Variants in THSD4 observed in about 807,000 individuals in gnomAD.
THSD4 encodes the protein thrombospondin type-1 domain-containing protein 4.
Under a neutral mutation model 119.0 loss-of-function variants are expected in THSD4, and 69 were observed. The ratio of observed to expected loss-of-function variants is 0.58; its 90% CI spans 0.48 to 0.71. The LOEUF is 0.71. Among genes scored for constraint, THSD4 ranks in the 30% least tolerant of loss-of-function variants. The pLI, the probability that THSD4 is intolerant of heterozygous loss-of-function variation, is 0.00. For synonymous variants in THSD4, 524 were observed against 540.4 expected (o/e 0.97, Z 0.42); for missense variants, 1,393 against 1,391.1 (o/e 1.00, Z -0.02).
At chr15:71,232,836 T>G (rs2044072160) in intron 4 of THSD4, among the ~76,000 whole-genome samples, 1 of 152,112 alleles carries the variant, frequency 6.6e-6, no homozygotes, top group Non-Finnish European at 1.5e-5. Flanking sequence ...GTCTTTCAAA[T>G]AGAGAGTAAT....
At chr15:71,173,565 C>CATATATATAT (rs1161825798) in intron 3 of THSD4, among the ~76,000 whole-genome samples, 1 of 92,572 alleles carries the variant, frequency 1.1e-5, no homozygotes, top group African/African-American at 3.1e-5. Flanking sequence ...CACACACACA[C>CATATATATAT]ACATATATAT....
chr15:71,489,021 C>T (rs2047869402), intron 7 of THSD4, among the ~76,000 whole-genome samples: 2 of 152,268 alleles, frequency 1.3e-5, no homozygotes, highest in African/African-American at 4.8e-5. Flanking sequence ...AGGGTCCCGC[C>T]AGTCCCTTTG....
chr15:71,521,551 C>G (rs1278272734), intron 7 of THSD4, among the ~76,000 whole-genome samples: 1 of 152,164 alleles, frequency 6.6e-6, no homozygotes, highest in Non-Finnish European at 1.5e-5. Context: ...GTTTCTCCAA[C>G]TTGAAAATAC....
chr15:71,760,451 A>AG (rs1255131265), intron 15 of THSD4, among the ~76,000 whole-genome samples: 1 of 152,178 alleles, frequency 6.6e-6, no homozygotes, highest in Admixed American at 6.5e-5. Flanking sequence ...GAAACTAACT[A>AG]GGAGTATATC....
intron 1 of THSD4, among the ~76,000 whole-genome samples, chr15:71,099,026 C>T (rs1030501945): frequency 5.9e-5 from 9 of 152,150 alleles, no homozygotes. Context: ...ATGAGAACTA[C>T]CTTTTCATTT....
chr15:71,196,223 C>A (rs192940954), intron 3 of THSD4, among the ~76,000 whole-genome samples: 4 of 152,198 alleles, frequency 2.6e-5, no homozygotes, highest in Admixed American at 2.6e-4. Context: ...GACCTAATTA[C>A]CTCCTAGAGG....
intron 3 of THSD4, chr15:71,186,856 C>A (rs2043610673): frequency 6.6e-6 from 1 of 152,172 alleles, no homozygotes. Flanking sequence ...GAATAGTCCC[C>A]TTTCTCAAGT....
intron 7 of THSD4, among the ~76,000 whole-genome samples, chr15:71,595,098 A>T (rs920730252): frequency 2.6e-5 from 4 of 152,266 alleles, no homozygotes; most frequent in African/African-American, 9.6e-5. Context: ...GTTTCTTACT[A>T]AACTAAATGT....
At chr15:71,191,779 G>A (rs2043673830) in intron 3 of THSD4, among the ~76,000 whole-genome samples, 2 of 152,032 alleles carry the variant, frequency 1.3e-5, no homozygotes, top group South Asian at 4.2e-4. Context: ...ACATGAACCG[G>A]TTTACTCCCA....
At chr15:71,672,821 G>C (rs891929264) in intron 8 of THSD4, among the ~76,000 whole-genome samples, 4 of 152,158 alleles carry the variant, frequency 2.6e-5, no homozygotes, top group Admixed American at 1.3e-4. Flanking sequence ...ACCAGCCTTG[G>C]ATCCCAGGGA....
rs377747744 is a variant in THSD4 at position 71,550,187 on chromosome 15, A to C, written c.1153-110343A>C. Among the ~76,000 whole-genome samples the C allele has an allele frequency of 2.0e-5, 3 of 152,218 alleles. No individual in the cohort carries two copies. In the East Asian group the frequency reaches 5.8e-4, roughly 29 times the overall value. ...CTTTTAAAGTCAAGCTGGACTTTTG[A>C]GGCATTTGTCAGCGTGGGGAGCGTG... is the stretch of plus-strand genomic sequence containing the variant. On this transcript the variant is annotated intron_variant, in intron 7 of 17. Coordinates refer to ENST00000261862, the MANE Select transcript of THSD4 (RefSeq NM_024817.3).
chr15:71,731,115 C>A lies in THSD4; in HGVS notation c.1534-6C>A. ...AGTGCGGTAACACTGATTTTTGTGT[C>A]AGCAGATGATACACCAGCAGCCAAA... On this transcript the variant is annotated splice_polypyrimidine_tract_variant and splice_region_variant and intron_variant, in intron 9 of 17. Coordinates refer to ENST00000261862, the MANE Select transcript of THSD4 (RefSeq NM_024817.3). 1 of 1,614,072 alleles carries A rather than the reference C, an allele frequency of 6.2e-7. No homozygotes were observed. Among genetic ancestry groups the A allele is most frequent in the South Asian group, 1.1e-5 (1 of 91,068 alleles).
intron 7 of THSD4, among the ~76,000 whole-genome samples, chr15:71,569,536 A>G (rs2049310160): frequency 6.6e-6 from 1 of 152,240 alleles, no homozygotes; most frequent in Non-Finnish European, 1.5e-5. Context: ...AGGGAGGAAA[A>G]TGGAGCAAAG....
At chr15:71,219,658 C>T (rs909663402) in intron 4 of THSD4, among the ~76,000 whole-genome samples, 1 of 152,190 alleles carries the variant, frequency 6.6e-6, no homozygotes, top group Non-Finnish European at 1.5e-5. Flanking sequence ...GACAATGGCT[C>T]CCATGTTGAA....
intron 2 of THSD4, among the ~76,000 whole-genome samples, chr15:71,143,400 G>A (rs1372017777): frequency 6.6e-6 from 1 of 152,142 alleles, no homozygotes; most frequent in Non-Finnish European, 1.5e-5. Flanking sequence ...TTGGCCCACA[G>A]GGTCATTGTA....
chr15:71,293,380 CCTGAGCT>C (rs2044819862), intron 6 of THSD4, among the ~76,000 whole-genome samples: 1 of 152,114 alleles, frequency 6.6e-6, no homozygotes, highest in African/African-American at 2.4e-5. Context: ...TGCCCCTTGC[CCTGAGCT>C]CTGTTCTCCA....
chr15:71,348,766 A>T (rs530602813), intron 6 of THSD4, among the ~76,000 whole-genome samples: 1 of 152,370 alleles, frequency 6.6e-6, no homozygotes, highest in East Asian at 1.9e-4. Flanking sequence ...AGGATGAGCT[A>T]TTTAAAAGGA....
intron 14 of THSD4, 113 bp from the exon 15 acceptor site, chr15:71,757,789 G>A (rs2053567337): frequency 2.9e-6 from 4 of 1,365,310 alleles, no homozygotes; most frequent in Non-Finnish European, 4.1e-6. Flanking sequence ...GATATTTCTA[G>A]GGGAAACAGA....
At chr15:71,307,805 A>C (rs1394542867) in intron 6 of THSD4, among the ~76,000 whole-genome samples, 1 of 152,180 alleles carries the variant, frequency 6.6e-6, no homozygotes, top group Non-Finnish European at 1.5e-5. Flanking sequence ...ACTCACACTT[A>C]TGGTTTATTA....
Sources: allele counts gnomAD v4.1 joint callset (sites outside exome capture counted in the v4.1 genomes callset), GRCh38; gene constraint gnomAD v4.1.1; transcripts MANE v1.5; gene names NCBI Gene and HGNC (gene_info 2026-07-23, HGNC 2026-07-21).